Variants in EPHA5 observed in about 807,000 individuals in gnomAD.
The protein encoded by EPHA5 is ephrin type-A receptor 5.
A neutral mutation model predicts 105.0 loss-of-function variants in EPHA5; 60 were observed. The observed-to-expected ratio is 0.57, with a 90% CI of 0.46 to 0.71. The LOEUF (loss-of-function observed/expected upper bound fraction) is 0.71, where lower values mean the gene tolerates loss of function less well. EPHA5 is among the 30% of genes least tolerant of loss of function. The pLI is 0.00. For synonymous variants in EPHA5, 513 were observed against 449.1 expected (o/e 1.14, Z -1.80); for missense variants, 1,218 against 1,274.7 (o/e 0.96, Z 0.68).
intron 2 of EPHA5, among the ~76,000 whole-genome samples, chr4:65,628,608 A>T (rs1746354172): frequency 6.6e-6 from 1 of 152,202 alleles, no homozygotes; most frequent in African/African-American, 2.4e-5. Flanking sequence ...AGCCACCACT[A>T]TTAGTTACCT....
At chr4:65,505,482 GAATTA>G (rs1303338418) in intron 3 of EPHA5, among the ~76,000 whole-genome samples, 1 of 151,920 alleles carries the variant, frequency 6.6e-6, no homozygotes, top group East Asian at 1.9e-4. Context: ...GCAGAAAATT[GAATTA>G]AATTAAATTA....
At chr4:65,365,649 C>CTATATATATATATATATATATA (rs57048004) in intron 10 of EPHA5, among the ~76,000 whole-genome samples, 1 of 64,878 alleles carries the variant, frequency 1.5e-5, no homozygotes. Flanking sequence ...TACAAATTCA[C>CTATATATATATATATATATATA]TATATATATA....
chr4:65,589,785 A>G (rs1742461554), intron 3 of EPHA5, among the ~76,000 whole-genome samples: 1 of 152,214 alleles, frequency 6.6e-6, no homozygotes. Context: ...CACAGGACCA[A>G]GTAATTATGT....
chr4:65,330,970 C>T (rs1056482788), intron 16 of EPHA5: 41 of 1,044,502 alleles, frequency 3.9e-5, no homozygotes, highest in Non-Finnish European at 4.4e-5. Flanking sequence ...ACCCTGTTAC[C>T]TTCTGTGGGG....
intron 8 of EPHA5, among the ~76,000 whole-genome samples, chr4:65,384,242 G>A (rs183857669): frequency 6.6e-6 from 1 of 152,018 alleles, no homozygotes; most frequent in African/African-American, 2.4e-5. Context: ...CCCTCAAGGT[G>A]TAGTTCAAAT....
chr4:65,332,418 A>G (rs1179308037), intron 15 of EPHA5, among the ~76,000 whole-genome samples: 3 of 151,866 alleles, frequency 2.0e-5, no homozygotes, highest in Non-Finnish European at 4.4e-5. Flanking sequence ...TTGAGTACTA[A>G]TAGATGAACA....
intron 6 of EPHA5, among the ~76,000 whole-genome samples, chr4:65,418,915 C>CTTTTTTTTTTTTTTTTTTTTTTTTTT (rs1723668559): frequency 1.7e-5 from 1 of 59,520 alleles, no homozygotes; most frequent in African/African-American, 8.5e-5. Flanking sequence ...CTGAGTTTTG[C>CTTTTTTTTTTTTTTTTTTTTTTTTTT]TCTTGTTGCC....
chr4:65,434,683 T>C (rs996123997), intron 5 of EPHA5, among the ~76,000 whole-genome samples: 15 of 152,158 alleles, frequency 9.9e-5, no homozygotes, highest in Admixed American at 5.9e-4. Context: ...ACTTCCCTTT[T>C]ACATAAATTA....
At chr4:65,611,187 G>A (rs554958990) in intron 2 of EPHA5, among the ~76,000 whole-genome samples, 3 of 152,082 alleles carry the variant, frequency 2.0e-5, no homozygotes, top group South Asian at 4.2e-4. Context: ...GAATTCCTTT[G>A]CAACAGTCAT....
chr4:65,567,831 A>G (rs914769535), intron 3 of EPHA5, among the ~76,000 whole-genome samples: 2 of 151,424 alleles, frequency 1.3e-5, no homozygotes, highest in Non-Finnish European at 3.0e-5. Context: ...TTCTCTTTTA[A>G]TTGACATTGG....
chr4:65,591,106 G>A (rs959971666), intron 3 of EPHA5, among the ~76,000 whole-genome samples: 2 of 151,836 alleles, frequency 1.3e-5, no homozygotes, highest in Admixed American at 6.6e-5. Flanking sequence ...TTTTTATTAA[G>A]GTGATGAAAC....
rs1283413779 is a variant in EPHA5 at position 65,369,037 on chromosome 4, G to C, written c.1794-1613C>G. Reference sequence around the variant, plus strand: ...GATTTCTAGTCTATGCTGCAGCATAGTCATTTGAGTGCGCTTGTTGGCTTC... The same window carrying C: ...GATTTCTAGTCTATGCTGCAGCATACTCATTTGAGTGCGCTTGTTGGCTTC... On this transcript the variant is annotated intron_variant, in intron 8 of 16. Transcript: ENST00000613740. Among the ~76,000 whole-genome samples the C allele has an allele frequency of 2.6e-5, 4 of 152,118 alleles. No individual in the cohort carries two copies. The East Asian group carries it at 7.7e-4, about 29-fold the overall frequency.
At chr4:65,630,449 G>T (rs1746530085) in intron 2 of EPHA5, among the ~76,000 whole-genome samples, 1 of 152,110 alleles carries the variant, frequency 6.6e-6, no homozygotes, top group South Asian at 2.1e-4. Context: ...CATGTGGACA[G>T]CCAACTTCAA....
chr4:65,446,443 G>T (rs1469499442), intron 5 of EPHA5, among the ~76,000 whole-genome samples: 1 of 152,140 alleles, frequency 6.6e-6, no homozygotes, highest in Non-Finnish European at 1.5e-5. Context: ...AACTGTGAAA[G>T]CCACAAGCAT....
chr4:65,555,749 C>A (rs533875394), intron 3 of EPHA5, among the ~76,000 whole-genome samples: 1 of 142,308 alleles, frequency 7.0e-6, no homozygotes, highest in Admixed American at 6.7e-5. Context: ...AATCATGAGG[C>A]CAAACTAGTG....
chr4:65,459,302 T>C (rs889414167), intron 5 of EPHA5, among the ~76,000 whole-genome samples: 1 of 152,060 alleles, frequency 6.6e-6, no homozygotes, highest in South Asian at 2.1e-4. Flanking sequence ...ATCAATAACA[T>C]GGAAACTAAA....
chr4:65,432,886 T>C (rs1725112615), intron 5 of EPHA5, among the ~76,000 whole-genome samples: 1 of 151,770 alleles, frequency 6.6e-6, no homozygotes, highest in African/African-American at 2.4e-5. Context: ...TTTGTAAATA[T>C]ATTTAGTGCC....
intron 3 of EPHA5, among the ~76,000 whole-genome samples, chr4:65,594,258 C>A (rs977531935): frequency 2.6e-5 from 4 of 152,056 alleles, no homozygotes; most frequent in African/African-American, 9.7e-5. Context: ...TTATCCAGTG[C>A]ATCTTATTTT....
chr4:65,453,773 A>G (rs898336441), intron 5 of EPHA5, among the ~76,000 whole-genome samples: 3 of 152,180 alleles, frequency 2.0e-5, no homozygotes, highest in African/African-American at 7.2e-5. Context: ...GCATGCCAAC[A>G]CATAAAACCC....
Sources: allele counts gnomAD v4.1 joint callset (sites outside exome capture counted in the v4.1 genomes callset), GRCh38; gene constraint gnomAD v4.1.1; transcripts MANE v1.5; gene names NCBI Gene and HGNC (gene_info 2026-07-23, HGNC 2026-07-21).